Variants in TMEM266 observed in about 807,000 individuals in gnomAD.
TMEM266 encodes the protein Hv1 related protein 1.
In TMEM266, 33 loss-of-function variants were observed where a neutral mutation model predicts 50.5. The ratio of observed to expected loss-of-function variants is 0.65; its 90% confidence interval spans 0.50 to 0.87. The LOEUF (loss-of-function observed/expected upper bound fraction) is 0.87, where lower values mean the gene tolerates loss of function less well. Among genes scored for constraint, TMEM266 ranks in the 40% least tolerant of loss-of-function variants. The pLI is 0.00. For synonymous variants in TMEM266, 310 were observed against 292.3 expected (o/e 1.06, Z -0.62); for missense variants, 655 against 695.1 (o/e 0.94, Z 0.65).
chr15:76,199,946 G>C (rs2038718442), intron 9 of TMEM266, among the ~76,000 whole-genome samples: 1 of 152,158 alleles, frequency 6.6e-6, no homozygotes, highest in Non-Finnish European at 1.5e-5. Flanking sequence ...GAGTAGAAAT[G>C]GGCTTGTCCT....
intron 9 of TMEM266, among the ~76,000 whole-genome samples, chr15:76,196,540 A>G (rs2038659507): frequency 6.6e-6 from 1 of 151,222 alleles, no homozygotes; most frequent in African/African-American, 2.4e-5. Flanking sequence ...ACTGTAGGCT[A>G]CTCTGGAGAT....
chr15:76,137,851 C>T lies in TMEM266; in HGVS notation c.183C>T (p.Gly61=). The T allele has an allele frequency of 6.2e-7, 1 of 1,603,050 alleles. No homozygotes were observed. The highest frequency in any genetic ancestry group is 8.5e-7 in the Non-Finnish European group (1 of 1,174,844). Residue 61 remains glycine, a synonymous_variant, in exon 3 of 11, where the codon GGC becomes GGT. Coordinates refer to ENST00000388942, the MANE Select transcript of TMEM266 (RefSeq NM_152335.3). ...CTGCTGTCGATCTCTCCACGGCGGG[C>T]TCGCAGCTCCTGTCAAATCTGGACG...
chr15:76,175,939 A>C lies in TMEM266; in HGVS notation c.768+265A>C, dbSNP rs150549919. ...AGCACGGTGACTCTTCAGCTCCCCA[A>C]CCTGAGTCTGCCAAGTCGCCCCCTC... On this transcript the variant is annotated intron_variant, in intron 8 of 10. Transcript: ENST00000388942. The C allele has an allele frequency of 1.6e-5, 5 of 312,350 alleles. No homozygotes were observed. In the East Asian group the frequency reaches 3.6e-4, roughly 23 times the overall value. The allele number at this position is 312,350 out of a possible 1,614,324, so 19.3% of individuals were successfully genotyped here. A position where few individuals can be genotyped will look rare whatever the true frequency, so the allele number is the denominator to read the frequency against.
At chr15:76,174,188 C>G (rs1037228293) in intron 7 of TMEM266, among the ~76,000 whole-genome samples, 9 of 152,136 alleles carry the variant, frequency 5.9e-5, no homozygotes, top group African/African-American at 2.2e-4. Context: ...AAAGGAAGGC[C>G]CACTGCCTTC....
At chr15:76,194,801 A>T (rs1311420025) in intron 9 of TMEM266, among the ~76,000 whole-genome samples, 1 of 152,176 alleles carries the variant, frequency 6.6e-6, no homozygotes, top group Non-Finnish European at 1.5e-5. Flanking sequence ...GGCCCCAGTC[A>T]TATAAGGACC....
chr15:76,196,635 A>ACAATC (rs1172133708), intron 9 of TMEM266, among the ~76,000 whole-genome samples: 1 of 152,082 alleles, frequency 6.6e-6, no homozygotes, highest in Non-Finnish European at 1.5e-5. Flanking sequence ...CAGGACACAG[A>ACAATC]CAATCCAGGG....
At chr15:76,091,063 A>G (rs1361173022) in intron 1 of TMEM266, among the ~76,000 whole-genome samples, 1 of 152,130 alleles carries the variant, frequency 6.6e-6, no homozygotes, top group East Asian at 1.9e-4. Context: ...CTAAAAATAA[A>G]AGGGAAAAAA....
intron 1 of TMEM266, among the ~76,000 whole-genome samples, chr15:76,061,882 A>G (rs915716722): frequency 1.3e-5 from 2 of 152,190 alleles, no homozygotes; most frequent in Non-Finnish European, 1.5e-5. Flanking sequence ...AACATTGTCT[A>G]TCACACTTGC....
At position 76,085,122 on chromosome 15, in the gene TMEM266, G is replaced by A. The variant is rs1230982007; in HGVS notation, c.-97+25106G>A. On this transcript the variant is annotated intron_variant, in intron 1 of 10. Transcript: ENST00000388942. ...CTACAGGCGCCTGCCACCACACCCT[G>A]CTAATTTTTTGTATTTTTAGTAGAG... Among the ~76,000 whole-genome samples the A allele has an allele frequency of 2.6e-5, 4 of 151,424 alleles. No homozygotes were observed. The East Asian group carries it at 7.8e-4, about 29-fold the overall frequency.
At chr15:76,079,877 G>T (rs1353791453) in intron 1 of TMEM266, among the ~76,000 whole-genome samples, 1 of 151,912 alleles carries the variant, frequency 6.6e-6, no homozygotes, top group East Asian at 1.9e-4. Flanking sequence ...ACCCACTATA[G>T]GTCGTAAGTT....
At chr15:76,143,289 G>T (rs2037708511) in intron 3 of TMEM266, among the ~76,000 whole-genome samples, 1 of 152,066 alleles carries the variant, frequency 6.6e-6, no homozygotes, top group African/African-American at 2.4e-5. Flanking sequence ...CTTCTTGAAA[G>T]CCTCGTGACG....
intron 3 of TMEM266, among the ~76,000 whole-genome samples, chr15:76,151,170 G>A (rs1596136694): frequency 6.6e-6 from 1 of 152,194 alleles, no homozygotes; most frequent in Non-Finnish European, 1.5e-5. Flanking sequence ...CTGAGAACCA[G>A]CCCTGGGGCC....
chr15:76,110,566 C>T (rs562426022), intron 1 of TMEM266, among the ~76,000 whole-genome samples: 1 of 152,256 alleles, frequency 6.6e-6, no homozygotes, highest in South Asian at 2.1e-4. Flanking sequence ...GACACAAAGC[C>T]AAGTCAAGCC....
Position 76,142,024 on chromosome 15 carries a change from C to T in TMEM266, c.227+4129C>T, listed in dbSNP as rs148732476. Reference sequence around the variant, plus strand: ...CACCCCACACTGGACTGTTTTTTCTCAAATGCGTCCATATTTTAGCTACTG... The same window carrying T: ...CACCCCACACTGGACTGTTTTTTCTTAAATGCGTCCATATTTTAGCTACTG... On this transcript the variant is annotated intron_variant, in intron 3 of 10. Transcript: ENST00000388942. Among the ~76,000 whole-genome samples the T allele has an allele frequency of 4.6e-5, 7 of 152,352 alleles. No homozygotes were observed. The East Asian group carries it at 1.2e-3, about 25-fold the overall frequency.
intron 3 of TMEM266, among the ~76,000 whole-genome samples, chr15:76,143,941 T>TC (rs1317723475): frequency 1.3e-5 from 2 of 152,144 alleles, no homozygotes; most frequent in Non-Finnish European, 2.9e-5. Context: ...CTCACAGGGA[T>TC]CCCAAACGTA....
chr15:76,202,982 G>C (rs78533826), intron 10 of TMEM266, among the ~76,000 whole-genome samples: 3,591 of 151,982 alleles, frequency 0.024, 139 homozygotes, highest in African/African-American at 0.083. Context: ...CCAATATGCT[G>C]GTTTCAAAGA....
intron 7 of TMEM266, among the ~76,000 whole-genome samples, chr15:76,173,008 C>T (rs1363765802): frequency 6.6e-6 from 1 of 152,114 alleles, no homozygotes; most frequent in African/African-American, 2.4e-5. Context: ...TCAGGCATCA[C>T]GGAGCTACCG....
chr15:76,112,368 G>A (rs1196640831), intron 1 of TMEM266, among the ~76,000 whole-genome samples: 1 of 152,170 alleles, frequency 6.6e-6, no homozygotes, highest in African/African-American at 2.4e-5. Context: ...AAAAATAGGG[G>A]AAACTGTAGA....
At chr15:76,107,480 C>G in intron 1 of TMEM266, among the ~76,000 whole-genome samples, 1 of 152,190 alleles carries the variant, frequency 6.6e-6, no homozygotes, top group South Asian at 2.1e-4. Context: ...ATGAAAGAAA[C>G]TGTTATGCCC....
Sources: gnomAD v4.1 joint callset for allele counts (sites outside exome capture counted in the v4.1 genomes callset) on GRCh38, gnomAD v4.1.1 for gene constraint, MANE v1.5 for transcripts, NCBI Gene and HGNC (gene_info 2026-07-23, HGNC 2026-07-21) for gene names.